The following KANK4 variants were observed in gnomAD, a reference collection of about 807,000 sequenced individuals.
KANK4 encodes the protein KN motif and ankyrin repeat domain-containing protein 4.
In KANK4, 50 loss-of-function variants were observed where a neutral mutation model predicts 80.8. The observed-to-expected ratio is 0.62, with a 90% CI of 0.49 to 0.78. The LOEUF is 0.78. Among genes scored for constraint, KANK4 ranks in the 30% least tolerant of loss-of-function variants. KANK4 has a pLI of 0.00. For missense variants in KANK4, 1,196 were observed against 1,240.1 expected (o/e 0.96, Z 0.53); for synonymous variants, 465 against 506.9 (o/e 0.92, Z 1.11).
In KANK4 at chr1:62,242,361, C is replaced by CAA. The variant is rs57320794; in HGVS notation, c.2884-3982_2884-3981dup. 6.9e-3 allele frequency among the ~76,000 whole-genome samples: 458 copies of CAA among 66,154 alleles called. 18 individuals carry two copies. Among genetic ancestry groups the CAA allele is most frequent in the African/African-American group, 0.022 (302 of 13,734 alleles). The allele number at this position is 66,154 out of a possible 152,430, so 43.4% of individuals were successfully genotyped here. A position where few individuals can be genotyped will look rare whatever the true frequency, so the allele number is the denominator to read the frequency against. ...TGGGCAACAGGGTGAGACCATACCT[C>CAA]AAAAAAAAAAAAAAAAAAAAAAAAA... On this transcript the variant is annotated intron_variant, in intron 9 of 9. Coordinates refer to ENST00000371153, the MANE Select transcript of KANK4 (RefSeq NM_181712.5).
At position 62,268,336 on chromosome 1, in the gene KANK4, C is replaced by T. The variant is rs1488443244; in HGVS notation, c.2182G>A (p.Ala728Thr). The change falls in exon 5 of 10, where the codon GCC (alanine) becomes ACC (threonine). Residue 728 changes from alanine (A) to threonine (T), a missense_variant. Transcript: ENST00000371153. ...QGIPEGTCHA[A>T]QESGPGEEVP... ...TCTTCCCCAGGCCCACTTTCCTGGG[C>T]AGCATGGCAGGTGCCCTCAGGGATG... 2 of 1,614,042 alleles carry T rather than the reference C, an allele frequency of 1.2e-6. No individual in the cohort carries two copies. The highest frequency in any genetic ancestry group is 1.7e-6 in the Non-Finnish European group (2 of 1,180,004).
intron 1 of KANK4, among the ~76,000 whole-genome samples, chr1:62,309,269 A>T (rs115059613): frequency 0.019 from 2,921 of 152,296 alleles, 48 homozygotes; most frequent in Non-Finnish European, 0.033. Context: ...TGAGGGCTCC[A>T]CCTTCATGAC....
chr1:62,268,299 G>C lies in KANK4; in HGVS notation c.2219C>G (p.Ser740Cys). 2 of 1,613,584 alleles carry C rather than the reference G, an allele frequency of 1.2e-6. No homozygotes were observed. The highest frequency in any genetic ancestry group is 1.7e-6 in the Non-Finnish European group (2 of 1,179,902). The change falls in exon 5 of 10, where the codon TCC (serine) becomes TGC (cysteine). Residue 740 changes from serine to cysteine, a missense_variant. By Grantham distance (112) the Ser-to-Cys change is moderately radical (BLOSUM62 -1). This residue lies in a region of KANK4 where 1,154 missense variants were observed against 1,179.6 expected (regional missense o/e 0.98). Coordinates refer to ENST00000371153, the MANE Select transcript of KANK4 (RefSeq NM_181712.5). ...ESGPGEEVPH[S>C]KAERYKPSEE... ...TCCATTTGCTCACCTCTCGGCCTTG[G>C]AGTGGGGGACTTCTTCCCCAGGCCC...
chr1:62,304,036 G>A lies in KANK4; in HGVS notation c.-71+15070C>T, dbSNP rs185053707. Among the ~76,000 whole-genome samples the A allele has an allele frequency of 1.7e-4, 26 of 151,862 alleles. No individual in the cohort carries two copies. In the East Asian group the frequency reaches 5.0e-3, roughly 29 times the overall value. On this transcript the variant is annotated intron_variant, in intron 1 of 9. Coordinates refer to ENST00000371153, the MANE Select transcript of KANK4 (RefSeq NM_181712.5). Reference sequence around the variant, plus strand: ...CTACAGGCACACACCACCATGCCTCGCTAATTTTTGTATTTTTTGGTAGAG... The same window carrying A: ...CTACAGGCACACACCACCATGCCTCACTAATTTTTGTATTTTTTGGTAGAG...
chr1:62,260,833 C>T (rs529082400), intron 7 of KANK4, among the ~76,000 whole-genome samples: 17 of 152,310 alleles, frequency 1.1e-4, no homozygotes, highest in Admixed American at 2.0e-4. Context: ...CCTCCACTGA[C>T]GTGCTCTCTC....
At chr1:62,295,192 G>A (rs1644351709) in intron 1 of KANK4, among the ~76,000 whole-genome samples, 1 of 151,710 alleles carries the variant, frequency 6.6e-6, no homozygotes, top group African/African-American at 2.4e-5. Context: ...AGGCGGGAGT[G>A]CAGTGGCGCC....
intron 2 of KANK4, among the ~76,000 whole-genome samples, chr1:62,277,934 G>C (rs1463683886): frequency 6.6e-6 from 1 of 152,214 alleles, no homozygotes; most frequent in African/African-American, 2.4e-5. Flanking sequence ...TGTGCAAAGG[G>C]ATGGAGGGTG....
intron 8 of KANK4, among the ~76,000 whole-genome samples, chr1:62,252,408 G>T (rs528674065): frequency 3.9e-5 from 6 of 152,380 alleles, no homozygotes; most frequent in African/African-American, 1.2e-4. Context: ...CAGAGGTAAG[G>T]CAGATAGGAG....
intron 9 of KANK4, among the ~76,000 whole-genome samples, chr1:62,243,899 T>C (rs1212345320): frequency 6.6e-6 from 1 of 152,140 alleles, no homozygotes; most frequent in African/African-American, 2.4e-5. Context: ...ACCTTTGTTC[T>C]CCCTGCTCCC....
chr1:62,287,222 C>A (rs1246827972), intron 1 of KANK4, among the ~76,000 whole-genome samples: 1 of 152,176 alleles, frequency 6.6e-6, no homozygotes, highest in African/African-American at 2.4e-5. Context: ...GTGCTGCTCC[C>A]GGACCTGAAA....
intron 1 of KANK4, among the ~76,000 whole-genome samples, chr1:62,299,975 C>T (rs986087824): frequency 6.6e-6 from 1 of 152,110 alleles, no homozygotes; most frequent in African/African-American, 2.4e-5. Context: ...GTGCAGCCTG[C>T]AGCCTGTCCG....
chr1:62,310,694 C>T (rs1397726669), intron 1 of KANK4, among the ~76,000 whole-genome samples: 3 of 152,038 alleles, frequency 2.0e-5, no homozygotes, highest in South Asian at 4.1e-4. Context: ...ATGAGTAGTG[C>T]CTGCTGCTCA....
intron 1 of KANK4, among the ~76,000 whole-genome samples, chr1:62,293,574 T>C (rs1379929311): frequency 6.6e-6 from 1 of 152,218 alleles, no homozygotes; most frequent in Non-Finnish European, 1.5e-5. Flanking sequence ...ATGTGAGTTA[T>C]TGAGGGTTAA....
intron 1 of KANK4, among the ~76,000 whole-genome samples, chr1:62,296,903 T>C (rs1644368955): frequency 6.6e-6 from 1 of 152,060 alleles, no homozygotes; most frequent in South Asian, 2.1e-4. Flanking sequence ...TTTTATAGAT[T>C]AGAAAACTAG....
chr1:62,290,056 G>A (rs1672648784), intron 1 of KANK4, among the ~76,000 whole-genome samples: 1 of 152,050 alleles, frequency 6.6e-6, no homozygotes, highest in Non-Finnish European at 1.5e-5. Context: ...GACAGAGTCC[G>A]GTACATAGTC....
rs12403485 is a variant in KANK4 at position 62,236,630 on chromosome 1, C to T, written c.*1647G>A. ...TTTTTTTTTGAGACAGAGTTTTGCT[C>T]GTTACCCAGGCTGGAGTGCAATGGC... On this transcript the variant is annotated 3_prime_UTR_variant, in exon 10 of 10. Coordinates refer to ENST00000371153, the MANE Select transcript of KANK4 (RefSeq NM_181712.5). Among the ~76,000 whole-genome samples, 1 of 132,902 alleles carries T rather than the reference C, an allele frequency of 7.5e-6. No individual in the cohort carries two copies. The highest frequency in any genetic ancestry group is 8.3e-5 in the Admixed American group (1 of 12,114). The allele number at this position is 132,902 out of a possible 152,430, so 87.2% of individuals were successfully genotyped here.
At chr1:62,240,148 T>C (rs1332829611) in intron 9 of KANK4, among the ~76,000 whole-genome samples, 5 of 152,246 alleles carry the variant, frequency 3.3e-5, no homozygotes, top group South Asian at 2.1e-4. Context: ...AAAAGTGTTC[T>C]TATTTCTCCA....
chr1:62,285,779 T>A (rs1156992198), intron 1 of KANK4, among the ~76,000 whole-genome samples: 1 of 151,250 alleles, frequency 6.6e-6, no homozygotes, highest in Non-Finnish European at 1.5e-5. Flanking sequence ...AAGCACTCTT[T>A]CCATAAGAAA....
At chr1:62,241,790 T>G (rs1671347660) in intron 9 of KANK4, among the ~76,000 whole-genome samples, 1 of 152,176 alleles carries the variant, frequency 6.6e-6, no homozygotes, top group African/African-American at 2.4e-5. Context: ...GCTCCTGAAC[T>G]TCATCTGCTG....
Sources: gnomAD v4.1 joint callset for allele counts (sites outside exome capture counted in the v4.1 genomes callset) on GRCh38, gnomAD v4.1.1 for gene constraint, gnomAD v4.1.1 regional missense constraint, MANE v1.5 for transcripts, NCBI Gene and HGNC (gene_info 2026-07-23, HGNC 2026-07-21) for gene names.